The following RIN2 variants were observed in gnomAD, a reference collection of about 807,000 sequenced individuals.
The protein encoded by RIN2 is Ras and Rab interactor 2.
A neutral mutation model predicts 78.0 loss-of-function variants in RIN2; 36 were observed. The observed-to-expected ratio is 0.46, with a 90% CI of 0.35 to 0.61. The LOEUF is 0.61. RIN2 is among the 20% of genes least tolerant of loss of function. The pLI is 0.00. For synonymous variants in RIN2, 466 were observed against 466.8 expected, an observed-to-expected ratio of 1.00 and a Z score of 0.02; for missense variants, 1,087 against 1,159.7, an observed-to-expected ratio of 0.94 and a Z score of 0.91.
intron 3 of RIN2, among the ~76,000 whole-genome samples, chr20:19,906,140 A>G (rs1403524753): frequency 6.6e-6 from 1 of 152,166 alleles, no homozygotes; most frequent in Non-Finnish European, 1.5e-5. Flanking sequence ...CCTCATACAT[A>G]CAGGTTGTCA....
chr20:19,882,724 T>G (rs2038061916), intron 2 of RIN2, among the ~76,000 whole-genome samples: 1 of 152,106 alleles, frequency 6.6e-6, no homozygotes, highest in African/African-American at 2.4e-5. Context: ...GTGAGGAGGT[T>G]TGGAAATATT....
chr20:19,790,435 T>C (rs1230879435), intron 1 of RIN2, among the ~76,000 whole-genome samples: 1 of 152,168 alleles, frequency 6.6e-6, no homozygotes, highest in Non-Finnish European at 1.5e-5. Flanking sequence ...ATACAGAATA[T>C]CCATTTATTC....
At chr20:19,929,163 G>A (rs375302738) in intron 3 of RIN2, among the ~76,000 whole-genome samples, 55 of 152,274 alleles carry the variant, frequency 3.6e-4, no homozygotes, top group African/African-American at 1.3e-3. Flanking sequence ...GTCCACAGAC[G>A]AGCAGGGGTG....
chr20:19,969,835 A>T (rs1307925428), intron 7 of RIN2, among the ~76,000 whole-genome samples: 5 of 152,248 alleles, frequency 3.3e-5, no homozygotes, highest in African/African-American at 1.2e-4. Flanking sequence ...TCATTCATTC[A>T]TTCAAGTACT....
chr20:19,868,026 C>T (rs1568556951), intron 2 of RIN2, among the ~76,000 whole-genome samples: 1 of 152,240 alleles, frequency 6.6e-6, no homozygotes, highest in Non-Finnish European at 1.5e-5. Context: ...GTGGGGCATG[C>T]TGGTGCACAA....
chr20:19,942,529 C>T (rs2040920966), intron 4 of RIN2, among the ~76,000 whole-genome samples: 1 of 152,048 alleles, frequency 6.6e-6, no homozygotes, highest in Admixed American at 6.6e-5. Flanking sequence ...TAAAAATAAA[C>T]AACACCCTGA....
At chr20:19,792,583 T>A (rs2034922577) in intron 1 of RIN2, among the ~76,000 whole-genome samples, 1 of 152,012 alleles carries the variant, frequency 6.6e-6, no homozygotes, top group Non-Finnish European at 1.5e-5. Flanking sequence ...AGCGCACACA[T>A]GGGGAGGTGA....
At chr20:19,801,950 A>G (rs2035255442) in intron 2 of RIN2, among the ~76,000 whole-genome samples, 1 of 152,202 alleles carries the variant, frequency 6.6e-6, no homozygotes, top group South Asian at 2.1e-4. Context: ...TTTGACTTTC[A>G]TAAATAAATA....
intron 1 of RIN2, among the ~76,000 whole-genome samples, chr20:19,770,780 GT>G (rs1276936173): frequency 6.6e-6 from 1 of 152,026 alleles, no homozygotes; most frequent in East Asian, 1.9e-4. Context: ...AATGTGTGGG[GT>G]TTTTCCCCAC....
chr20:19,933,658 T>C (rs1241706216), intron 3 of RIN2, among the ~76,000 whole-genome samples: 2 of 152,076 alleles, frequency 1.3e-5, no homozygotes, highest in East Asian at 3.9e-4. Context: ...GGGGTCACAT[T>C]TTAGAACAAG....
intron 2 of RIN2, among the ~76,000 whole-genome samples, chr20:19,887,182 A>ATT (rs10522974): frequency 1.4e-5 from 2 of 145,724 alleles, no homozygotes; most frequent in Admixed American, 6.8e-5. Flanking sequence ...ATGCCCATCT[A>ATT]TTTTTTTTTT....
At chr20:19,900,153 C>T (rs535701177) in intron 3 of RIN2, among the ~76,000 whole-genome samples, 1 of 152,220 alleles carries the variant, frequency 6.6e-6, no homozygotes, top group African/African-American at 2.4e-5. Context: ...TGAGGGAGGC[C>T]AGAAATCTAG....
chr20:19,895,455 A>C (rs1453103818), intron 3 of RIN2, among the ~76,000 whole-genome samples: 1 of 152,094 alleles, frequency 6.6e-6, no homozygotes, highest in Non-Finnish European at 1.5e-5. Context: ...CCCCCTTTCT[A>C]AGTGGCTGCC....
At position 19,898,960 on chromosome 20, in the gene RIN2, T is replaced by G. The variant is rs147136996; in HGVS notation, c.57+9302T>G. Among the ~76,000 whole-genome samples, 256 of 152,320 alleles carry G rather than the reference T, an allele frequency of 1.7e-3. 1 individual carries two copies. Among genetic ancestry groups the G allele is most frequent in the East Asian group, 7.5e-3 (39 of 5,182 alleles). Reference sequence around the variant, plus strand: ...AAAACACTACCTATCAGAATCAATGTTATACATTTAAAGCAGCAATCAGAG... The same window carrying G: ...AAAACACTACCTATCAGAATCAATGGTATACATTTAAAGCAGCAATCAGAG... On this transcript the variant is annotated intron_variant, in intron 3 of 12. Coordinates refer to ENST00000255006, the MANE Select transcript of RIN2 (RefSeq NM_018993.4).
chr20:19,861,285 A>G (rs2037324976), intron 2 of RIN2, among the ~76,000 whole-genome samples: 1 of 152,058 alleles, frequency 6.6e-6, no homozygotes, highest in South Asian at 2.1e-4. Flanking sequence ...TCTAGAGAAA[A>G]TTGATTTCTG....
chr20:19,761,950 C>A (rs1334933296), intron 1 of RIN2, among the ~76,000 whole-genome samples: 1 of 152,198 alleles, frequency 6.6e-6, no homozygotes, highest in Non-Finnish European at 1.5e-5. Flanking sequence ...GTCCTGAGAT[C>A]ACTATTTCAT....
chr20:19,946,077 T>A (rs2041077058), intron 4 of RIN2, among the ~76,000 whole-genome samples: 1 of 152,220 alleles, frequency 6.6e-6, no homozygotes, highest in Non-Finnish European at 1.5e-5. Context: ...AACCTTGCTG[T>A]CTGCAGATCA....
chr20:19,913,738 C>A (rs80094510), intron 3 of RIN2, among the ~76,000 whole-genome samples: 372 of 152,220 alleles, frequency 2.4e-3, no homozygotes, highest in African/African-American at 7.5e-3. Flanking sequence ...AAAGTTTATC[C>A]TTTTTGTAGC....
chr20:19,849,751 AT>A (rs1477548954), intron 2 of RIN2, among the ~76,000 whole-genome samples: 1 of 152,146 alleles, frequency 6.6e-6, no homozygotes, highest in Non-Finnish European at 1.5e-5. Flanking sequence ...AAAAGGAAGA[AT>A]TTTAAGTCTG....
Sources: gnomAD v4.1 joint callset for allele counts (sites outside exome capture counted in the v4.1 genomes callset) on GRCh38, gnomAD v4.1.1 for gene constraint, MANE v1.5 for transcripts, NCBI Gene and HGNC (gene_info 2026-07-23, HGNC 2026-07-21) for gene names.